The following PPP1R3D variants were observed in gnomAD, a reference collection of about 807,000 sequenced individuals.
The protein encoded by PPP1R3D is PP1 subunit R6.
A neutral mutation model predicts 16.3 loss-of-function variants in PPP1R3D; 27 were observed. The observed-to-expected ratio is 1.66, with a 90% CI of 1.22 to 2.29. PPP1R3D has a LOEUF of 2.29. Among genes scored for constraint, PPP1R3D ranks in the 30% most tolerant of loss-of-function variants. The pLI is 0.00. For synonymous variants in PPP1R3D, 223 were observed against 209.7 expected (o/e 1.06, Z -0.55); for missense variants, 472 against 438.3 (o/e 1.08, Z -0.69).
At position 59,939,523 on chromosome 20, in the gene PPP1R3D, T is replaced by C. The variant is rs764814480; in HGVS notation, c.409A>G (p.Ile137Val). Residue 137 changes from isoleucine (I) to valine (V), a missense_variant, in exon 1 of 1, where the codon ATC becomes GTC. Ile to Val is a conservative substitution (Grantham distance 29, BLOSUM62 3). Transcript: ENST00000370996. The part of the protein sequence containing the change: ...VPLHVLSRLA[I>V]NSDLCCSSQD... ...CTGCTGCAGCACAGGTCCGAGTTGA[T>C]TGCGAGCCGCGACAGCACGTGCAGC... The C allele has an allele frequency of 3.7e-6, 6 of 1,612,002 alleles. No individual in the cohort carries two copies. In the Admixed American group the frequency reaches 5.0e-5, roughly 13 times the overall value.
Position 59,939,868 on chromosome 20 carries a change from G to A in PPP1R3D, c.64C>T (p.Arg22Trp), listed in dbSNP as rs774781127. The change falls in exon 1 of 1, where the codon CGG becomes TGG. Residue 22 changes from arginine (R) to tryptophan (W), a missense_variant. Physicochemically the swap from Arg to Trp is moderately radical, Grantham distance 101. Transcript: ENST00000370996. ...AGGTCCGACAGGCAGCTGAGGCTCC[G>A]GGGGCCGAGCTTCCGGGATCCCAGG... ...SALGSRKLGPRSLSCLSDLDG... is the reference protein window; with the variant it reads ...SALGSRKLGPWSLSCLSDLDG... 4.0e-6 allele frequency: 5 copies of A among 1,246,694 alleles called. No homozygotes were observed. Among genetic ancestry groups the A allele is most frequent in the Admixed American group, 8.3e-5 (2 of 24,068 alleles). 77.2% of individuals were successfully genotyped at this position (1,246,694 alleles called of 1,614,324 possible). A position where few individuals can be genotyped will look rare whatever the true frequency, so the allele number is the denominator to read the frequency against.
Position 59,939,912 on chromosome 20 carries a change from G to T in PPP1R3D, c.20C>A (p.Ser7Tyr). 8.0e-7 allele frequency: 1 copy of T among 1,256,974 alleles called. No individual in the cohort carries two copies. Among genetic ancestry groups the T allele is most frequent in the South Asian group, 3.9e-5 (1 of 25,610 alleles). The allele number at this position is 1,256,974 out of a possible 1,614,324, so 77.9% of individuals were successfully genotyped here. MSRGPS[S>Y]AVLPSALGSR... is the part of the protein sequence containing the mutation. ...TCCCAGGGCGCTAGGCAGGACCGCGGAGCTCGGGCCTCTGGACATGGCCCC... is the reference window on the plus strand; with the variant it reads ...TCCCAGGGCGCTAGGCAGGACCGCGTAGCTCGGGCCTCTGGACATGGCCCC... Residue 7 changes from serine (S) to tyrosine (Y), a missense_variant, in exon 1 of 1, where the codon TCC (serine) becomes TAC (tyrosine). Physicochemically the swap from Ser to Tyr is moderately radical, Grantham distance 144. Coordinates refer to ENST00000370996, the MANE Select transcript of PPP1R3D (RefSeq NM_006242.4).
chr20:59,938,970 A>C lies in PPP1R3D; in HGVS notation c.*62T>G, dbSNP rs902008790. On this transcript the variant is annotated 3_prime_UTR_variant, in exon 1 of 1. Transcript: ENST00000370996. The stretch of plus-strand genomic sequence containing the variant: ...AACCAGATAGATGTGAGAGCCCAGC[A>C]GGGAAATGACAGGAGGCGCAGCTTA... 1 of 1,420,072 alleles carries C rather than the reference A, an allele frequency of 7.0e-7. No homozygotes were observed. The highest frequency in any genetic ancestry group is 1.4e-5 in the African/African-American group (1 of 70,060). The allele number at this position is 1,420,072 out of a possible 1,614,324, so 88.0% of individuals were successfully genotyped here.
chr20:59,938,960 A>G lies in PPP1R3D; in HGVS notation c.*72T>C, dbSNP rs556641157. 2.9e-6 allele frequency: 4 copies of G among 1,391,506 alleles called. No individual in the cohort carries two copies. In the African/African-American group the frequency reaches 4.3e-5, roughly 15 times the overall value. The allele number at this position is 1,391,506 out of a possible 1,614,324, so 86.2% of individuals were successfully genotyped here. A position where few individuals can be genotyped will look rare whatever the true frequency, so the allele number is the denominator to read the frequency against. Reference sequence around the variant, plus strand: ...GGTGAAGAACAACCAGATAGATGTGAGAGCCCAGCAGGGAAATGACAGGAG... The same window carrying G: ...GGTGAAGAACAACCAGATAGATGTGGGAGCCCAGCAGGGAAATGACAGGAG... On this transcript the variant is annotated 3_prime_UTR_variant, in exon 1 of 1. Coordinates refer to ENST00000370996, the MANE Select transcript of PPP1R3D (RefSeq NM_006242.4).
In PPP1R3D at chr20:59,937,494, A is replaced by G. The variant is rs1247378635; in HGVS notation, c.*1538T>C. ...AAAGCACAGAGGTTGCAATGATCAG[A>G]ACCAAACTGGTTAAAAGCCGAAATG... On this transcript the variant is annotated 3_prime_UTR_variant, in exon 1 of 1. Transcript: ENST00000370996. 1 of 152,368 alleles carries G rather than the reference A, an allele frequency of 6.6e-6. No homozygotes were observed. The highest frequency in any genetic ancestry group is 6.5e-5 in the Admixed American group (1 of 15,288). The allele number at this position is 152,368 out of a possible 1,614,324, so 9.4% of individuals were successfully genotyped here. A position where few individuals can be genotyped will look rare whatever the true frequency, so the allele number is the denominator to read the frequency against.
In PPP1R3D at chr20:59,940,160, C is replaced by G. The variant is rs1264928153; in HGVS notation, c.-229G>C. ...GAAATTGTAAGAGTGGGGAGTTTTTCTCTAGTGGAAGCTTTCAGAGGCCTC... is the reference window on the plus strand; with the variant it reads ...GAAATTGTAAGAGTGGGGAGTTTTTGTCTAGTGGAAGCTTTCAGAGGCCTC... On this transcript the variant is annotated 5_prime_UTR_variant, in exon 1 of 1. Transcript: ENST00000370996. 3 of 397,768 alleles carry G rather than the reference C, an allele frequency of 7.5e-6. No individual in the cohort carries two copies. The highest frequency in any genetic ancestry group is 2.1e-5 in the African/African-American group (1 of 48,094). 24.6% of individuals were successfully genotyped at this position (397,768 alleles called of 1,614,324 possible). A position where few individuals can be genotyped will look rare whatever the true frequency, so the allele number is the denominator to read the frequency against.
Position 59,939,411 on chromosome 20 carries a change from C to T in PPP1R3D, c.521G>A (p.Arg174Gln), listed in dbSNP as rs142381631. 1.3e-3 allele frequency: 2,056 copies of T among 1,610,720 alleles called. 1 individual carries two copies. Among genetic ancestry groups the T allele is most frequent in the Non-Finnish European group, 1.5e-3 (1,750 of 1,179,318 alleles). ...EAADFGERLQ[R>Q]QLVCLERVTC... Reference sequence around the variant, plus strand: ...GACACGCTCCAGGCACACGAGCTGCCGCTGCAGGCGCTCGCCAAAGTCGGC... The same window carrying T: ...GACACGCTCCAGGCACACGAGCTGCTGCTGCAGGCGCTCGCCAAAGTCGGC... Residue 174 changes from arginine (R) to glutamine (Q), a missense_variant, in exon 1 of 1, where the codon CGG becomes CAG. Coordinates refer to ENST00000370996, the MANE Select transcript of PPP1R3D (RefSeq NM_006242.4).
At position 59,939,290 on chromosome 20, in the gene PPP1R3D, G is replaced by C; in HGVS notation, c.642C>G (p.Arg214=). 1 of 1,612,360 alleles carries C rather than the reference G, an allele frequency of 6.2e-7. No homozygotes were observed. The highest frequency in any genetic ancestry group is 8.5e-7 in the Non-Finnish European group (1 of 1,179,758). The change falls in exon 1 of 1, where the codon CGC becomes CGG. Residue 214 remains arginine (R), a synonymous_variant. Coordinates refer to ENST00000370996, the MANE Select transcript of PPP1R3D (RefSeq NM_006242.4). ...ACCGCGCCACCGCCTCGTGGGTACTGCGCCAGCCCGAGAAAGTGTAGCGCA... is the reference window on the plus strand; with the variant it reads ...ACCGCGCCACCGCCTCGTGGGTACTCCGCCAGCCCGAGAAAGTGTAGCGCA... The part of the protein sequence containing the change: ...VAVRYTFSGW[R]STHEAVARWR...
rs752611882 is a variant in PPP1R3D at position 59,939,139 on chromosome 20, C to CGG, written c.791_792dup (p.Glu265ProfsTer75). ...CGGTGGTCGTTGTTGTCCCAGTACT[C>CGG]GGCACCCGCCACTTGGTAGCGCACC... On this transcript the variant is annotated frameshift_variant, in exon 1 of 1. Transcript: ENST00000370996. LOFTEE classifies it high-confidence loss of function. 1.4e-5 allele frequency: 22 copies of CGG among 1,603,396 alleles called. No homozygotes were observed. The South Asian group carries it at 2.3e-4, about 17-fold the overall frequency.
At position 59,937,586 on chromosome 20, in the gene PPP1R3D, G is replaced by A. The variant is rs946104603; in HGVS notation, c.*1446C>T. The stretch of plus-strand genomic sequence containing the variant: ...AAAAATTTAGAGTTAATTTCTTGGT[G>A]ACAGGTAGCATAAAATTGATCAGAC... On this transcript the variant is annotated 3_prime_UTR_variant, in exon 1 of 1. Transcript: ENST00000370996. The A allele has an allele frequency of 9.9e-5, 15 of 152,054 alleles. No homozygotes were observed. The highest frequency in any genetic ancestry group is 3.4e-4 in the African/African-American group (14 of 41,338). The allele number at this position is 152,054 out of a possible 1,614,324, so 9.4% of individuals were successfully genotyped here. A position where few individuals can be genotyped will look rare whatever the true frequency, so the allele number is the denominator to read the frequency against.
chr20:59,939,052 T>C lies in PPP1R3D; in HGVS notation c.880A>G (p.Ser294Gly), dbSNP rs1218592345. ...LHMPRGECEE[S>G]WIHFI is the part of the protein sequence containing the mutation. ...GCGGCTCAGATGAAGTGGATCCAGC[T>C]CTCTTCGCACTCCCCGCGAGGCATG... Residue 294 changes from serine (S) to glycine (G), a missense_variant, in exon 1 of 1, where the codon AGC becomes GGC. Physicochemically the swap from Ser to Gly is moderately conservative, Grantham distance 56 (BLOSUM62 0). Transcript: ENST00000370996. The C allele has an allele frequency of 1.9e-6, 3 of 1,543,242 alleles. No individual in the cohort carries two copies. The highest frequency in any genetic ancestry group is 2.6e-6 in the Non-Finnish European group (3 of 1,146,014).
chr20:59,939,653 A>C lies in PPP1R3D; in HGVS notation c.279T>G (p.Cys93Trp). ...QKAAGAPGAACRPGCSQKLRV... is the reference protein window; with the variant it reads ...QKAAGAPGAAWRPGCSQKLRV... ...GGAGCTTCTGGCTGCAGCCCGGCCG[A>C]CACGCAGCGCCCGGCGCGCCCGCGG... Residue 93 changes from cysteine to tryptophan, a missense_variant, in exon 1 of 1, where the codon TGT becomes TGG. Physicochemically the swap from Cys to Trp is radical, Grantham distance 215. Coordinates refer to ENST00000370996, the MANE Select transcript of PPP1R3D (RefSeq NM_006242.4). The C allele has an allele frequency of 1.3e-6, 2 of 1,523,838 alleles. No individual in the cohort carries two copies. Among genetic ancestry groups the C allele is most frequent in the Non-Finnish European group, 1.8e-6 (2 of 1,141,080 alleles). The allele number at this position is 1,523,838 out of a possible 1,614,324, so 94.4% of individuals were successfully genotyped here.
In PPP1R3D at chr20:59,939,620, G is replaced by T. The variant is rs759868053; in HGVS notation, c.312C>A (p.Arg104=). 1 of 1,589,188 alleles carries T rather than the reference G, an allele frequency of 6.3e-7. No individual in the cohort carries two copies. Among genetic ancestry groups the T allele is most frequent in the South Asian group, 1.1e-5 (1 of 88,088 alleles). The change falls in exon 1 of 1, where the codon CGC becomes CGA. Residue 104 remains arginine (R), a synonymous_variant. Transcript: ENST00000370996. ...RPGCSQKLRV[R]FADALGLELA... Reference sequence around the variant, plus strand: ...GCTCCAAGCCCAGGGCGTCGGCGAAGCGCACGCGGAGCTTCTGGCTGCAGC... The same window carrying T: ...GCTCCAAGCCCAGGGCGTCGGCGAATCGCACGCGGAGCTTCTGGCTGCAGC...
At position 59,939,803 on chromosome 20, in the gene PPP1R3D, G is replaced by A; in HGVS notation, c.129C>T (p.Pro43=). Reference sequence around the variant, plus strand: ...GCGGCGCGCGGCCCGGGCTCCCAGGGGGCCTACAGGCCCGCGGCTCCAGGG... The same window carrying A: ...GCGGCGCGCGGCCCGGGCTCCCAGGAGGCCTACAGGCCCGCGGCTCCAGGG... ...GVALEPRACR[P]PGSPGRAPPP... is the part of the protein sequence containing the mutation. Residue 43 remains proline, a synonymous_variant, in exon 1 of 1, where the codon CCC becomes CCT. Transcript: ENST00000370996. 8.1e-7 allele frequency: 1 copy of A among 1,231,306 alleles called. No homozygotes were observed. Among genetic ancestry groups the A allele is most frequent in the Non-Finnish European group, 1.0e-6 (1 of 987,612 alleles). The allele number at this position is 1,231,306 out of a possible 1,614,324, so 76.3% of individuals were successfully genotyped here.
At position 59,939,115 on chromosome 20, in the gene PPP1R3D, G is replaced by A. The variant is rs17854471; in HGVS notation, c.817C>T (p.Arg273Ter). 8 of 1,603,846 alleles carry A rather than the reference G, an allele frequency of 5.0e-6. No homozygotes were observed. Among genetic ancestry groups the A allele is most frequent in the Admixed American group, 1.7e-5 (1 of 59,670 alleles). The stretch of plus-strand genomic sequence containing the variant: ...TTGCGACATGTGAGGCTGTAGTCTC[G>A]GTGGTCGTTGTTGTCCCAGTACTCG... ...GAEYWDNNDH[R>*]DYSLTCRNHA... is the part of the protein sequence containing the mutation. The change falls in exon 1 of 1, where the codon CGA becomes TGA. Residue 273 changes from arginine to a stop codon, truncating the protein, a stop_gained. Transcript: ENST00000370996. LOFTEE classifies it high-confidence loss of function.
rs1199930154 is a variant in PPP1R3D, at chr20:59,939,373, G to T, written c.559C>A (p.Leu187Ile). Residue 187 changes from leucine (L) to isoleucine (I), a missense_variant, in exon 1 of 1, where the codon CTT becomes ATT. Coordinates refer to ENST00000370996, the MANE Select transcript of PPP1R3D (RefSeq NM_006242.4). The stretch of plus-strand genomic sequence containing the variant: ...ACGCGCACCGTACCGCTGATGCCAA[G>T]GTCCGAGCAAGTGACACGCTCCAGG... ...VCLERVTCSD[L>I]GISGTVRVCN... 1 of 1,610,590 alleles carries T rather than the reference G, an allele frequency of 6.2e-7. No homozygotes were observed. Among genetic ancestry groups the T allele is most frequent in the Non-Finnish European group, 8.5e-7 (1 of 1,179,636 alleles).
In PPP1R3D at chr20:59,937,337, CTT is replaced by C. The variant is rs952778815; in HGVS notation, c.*1693_*1694del. On this transcript the variant is annotated 3_prime_UTR_variant, in exon 1 of 1. Transcript: ENST00000370996. ...GAAATGTAACAAGGCTTCTCTCTCT[CTT>C]GCATGTTAATGTAGTGAACAGTGCT... The C allele has an allele frequency of 1.2e-4, 19 of 152,546 alleles. No homozygotes were observed. The highest frequency in any genetic ancestry group is 2.4e-4 in the Non-Finnish European group (16 of 68,038). The allele number at this position is 152,546 out of a possible 1,614,324, so 9.4% of individuals were successfully genotyped here. A position where few individuals can be genotyped will look rare whatever the true frequency, so the allele number is the denominator to read the frequency against.
chr20:59,939,228 A>C lies in PPP1R3D; in HGVS notation c.704T>G (p.Val235Gly), dbSNP rs2060881920. The C allele has an allele frequency of 6.2e-7, 1 of 1,610,566 alleles. No homozygotes were observed. Among genetic ancestry groups the C allele is most frequent in the South Asian group, 1.1e-5 (1 of 90,962 alleles). ...CGGTACTGGAAAGCCGAAGGTGAAA[A>C]CGTCCTCCGTGCCCTCGGGGCCTGC... is the stretch of plus-strand genomic sequence containing the variant. Reference protein sequence around the residue: ...GPAGPEGTEDVFTFGFPVPPF... With the variant: ...GPAGPEGTEDGFTFGFPVPPF... Residue 235 changes from valine (V) to glycine (G), a missense_variant, in exon 1 of 1, where the codon GTT becomes GGT. Coordinates refer to ENST00000370996, the MANE Select transcript of PPP1R3D (RefSeq NM_006242.4).
chr20:59,936,932 A>G lies in PPP1R3D; in HGVS notation c.*2100T>C, dbSNP rs41276970. ...GGACAACCCAGCAATTGCACAGCCC[A>G]CTAGAAAATTTTAACATCTAAGTAA... is the stretch of plus-strand genomic sequence containing the variant. On this transcript the variant is annotated 3_prime_UTR_variant, in exon 1 of 1. Coordinates refer to ENST00000370996, the MANE Select transcript of PPP1R3D (RefSeq NM_006242.4). 6.6e-6 allele frequency: 1 copy of G among 152,632 alleles called. No individual in the cohort carries two copies. The highest frequency in any genetic ancestry group is 1.5e-5 in the Non-Finnish European group (1 of 68,040). The allele number at this position is 152,632 out of a possible 1,614,324, so 9.5% of individuals were successfully genotyped here. A position where few individuals can be genotyped will look rare whatever the true frequency, so the allele number is the denominator to read the frequency against.
Sources: gnomAD v4.1 joint callset for allele counts on GRCh38, gnomAD v4.1.1 for gene constraint, MANE v1.5 for transcripts, NCBI Gene and HGNC (gene_info 2026-07-23, HGNC 2026-07-21) for gene names.